Variants in ANKRD36 observed in about 807,000 individuals in gnomAD.
ANKRD36 encodes the protein ankyrin repeat domain-containing protein 36A.
In ANKRD36, 179 loss-of-function variants were observed where a neutral mutation model predicts 278.1. That is an observed-to-expected ratio of 0.64 (90% confidence interval 0.57 to 0.73). The LOEUF is 0.73. Ranked by LOEUF, ANKRD36 falls within the 30% of genes least tolerant of loss-of-function variation. The pLI is 0.00. For synonymous variants in ANKRD36, 320 were observed against 641.1 expected, an observed-to-expected ratio of 0.50 and a Z score of 7.57; for missense variants, 1,159 against 1,956.7, an observed-to-expected ratio of 0.59 and a Z score of 7.69.
In ANKRD36 at chr2:97,245,837, AAAAC is replaced by A. The variant is rs1380570255; in HGVS notation, c.5176_5179del (p.Gln1726IlefsTer47). The A allele has an allele frequency of 2.0e-6, 1 of 511,408 alleles. No homozygotes were observed. The highest frequency in any genetic ancestry group is 4.6e-5 in the African/African-American group (1 of 21,904). 31.7% of individuals were successfully genotyped at this position (511,408 alleles called of 1,614,324 possible). ...AACAGGAAAGATTTTGTCAACTAAA[AAAAC>A]AAAATATGTTGCTTCAACAGCAACT... On this transcript the variant is annotated frameshift_variant, in exon 71 of 76. Coordinates refer to ENST00000420699, the MANE Select transcript of ANKRD36 (RefSeq NM_001354587.1). LOFTEE classifies it high-confidence loss of function.
chr2:97,200,332 A>G lies in ANKRD36; in HGVS notation c.2756-2A>G, dbSNP rs778913085. On this transcript the variant is annotated splice_acceptor_variant, in intron 44 of 75. Coordinates refer to ENST00000420699, the MANE Select transcript of ANKRD36 (RefSeq NM_001354587.1). LOFTEE classifies it high-confidence loss of function. ...TGATTATGTATCCCTTTTGCTTTTC[A>G]GTGTCTTCTCGGAAAAAACCATCCT... is the stretch of plus-strand genomic sequence containing the variant. 34 of 1,607,186 alleles carry G rather than the reference A, an allele frequency of 2.1e-5. No homozygotes were observed. Among genetic ancestry groups the G allele is most frequent in the Non-Finnish European group, 2.8e-5 (33 of 1,178,670 alleles).
intron 3 of ANKRD36, among the ~76,000 whole-genome samples, chr2:97,121,680 A>G (rs1204715720): frequency 6.6e-6 from 1 of 152,082 alleles, no homozygotes; most frequent in African/African-American, 2.4e-5. Context: ...CAAATAATTT[A>G]GTGGCTTTCA....
intron 6 of ANKRD36, among the ~76,000 whole-genome samples, chr2:97,133,480 A>C (rs2040688539): frequency 6.6e-6 from 1 of 151,998 alleles, no homozygotes; most frequent in Admixed American, 6.6e-5. Context: ...TAAAATAAAA[A>C]ATTTGTTTCA....
At chr2:97,142,319 G>A (rs2043118180) in intron 6 of ANKRD36, among the ~76,000 whole-genome samples, 1 of 152,096 alleles carries the variant, frequency 6.6e-6, no homozygotes, top group Non-Finnish European at 1.5e-5. Flanking sequence ...AGGTGCATGA[G>A]TTGCTTCTCT....
rs1489096090 is a variant in ANKRD36 at position 97,149,346 on chromosome 2, T to G, written c.1086T>G (p.Phe362Leu). 1 of 1,533,530 alleles carries G rather than the reference T, an allele frequency of 6.5e-7. No individual in the cohort carries two copies. The highest frequency in any genetic ancestry group is 1.4e-5 in the African/African-American group (1 of 72,906). The allele number at this position is 1,533,530 out of a possible 1,614,324, so 95.0% of individuals were successfully genotyped here. A position where few individuals can be genotyped will look rare whatever the true frequency, so the allele number is the denominator to read the frequency against. The change falls in exon 12 of 76, where the codon TTT (phenylalanine) becomes TTG (leucine). Residue 362 changes from phenylalanine to leucine, a missense_variant. Phe to Leu is a conservative substitution (Grantham distance 22). Transcript: ENST00000420699. ...CACAGCCTGTGACAGAGAATGAGTT[T>G]TCTTTGGAATCTGAGGTAGAGTACT... ...AVAQPVTENE[F>L]SLESEIISKL... is the part of the protein sequence containing the mutation.
intron 36 of ANKRD36, among the ~76,000 whole-genome samples, chr2:97,192,192 G>A (rs796202329): frequency 6.6e-6 from 1 of 151,332 alleles, no homozygotes; most frequent in Non-Finnish European, 1.5e-5. Flanking sequence ...ATATTATCCT[G>A]TGGTGCCATG....
chr2:97,178,805 G>A (rs531906148), intron 22 of ANKRD36, among the ~76,000 whole-genome samples: 1 of 150,954 alleles, frequency 6.6e-6, no homozygotes, highest in South Asian at 2.1e-4. Context: ...ATGTGCGCAT[G>A]TACCCTAAAA....
chr2:97,163,617 C>T (rs1273780249), intron 18 of ANKRD36: 3 of 201,672 alleles, frequency 1.5e-5, no homozygotes, highest in Non-Finnish European at 3.0e-5. Flanking sequence ...ACTCTGTCAC[C>T]CAGGCTTGAG....
In ANKRD36 at chr2:97,179,895, T is replaced by C. The variant is rs200833680; in HGVS notation, c.1697T>C (p.Ile566Thr). Reference sequence around the variant, plus strand: ...GACGACAAAGATTCTGTTTCAAATATAGCCACAGAAATAAAGGAGGGACCA... The same window carrying C: ...GACGACAAAGATTCTGTTTCAAATACAGCCACAGAAATAAAGGAGGGACCA... ...TSDDKDSVSN[I>T]ATEIKEGPIS... Residue 566 changes from isoleucine (I) to threonine (T), a missense_variant, in exon 24 of 76, where the codon ATA (isoleucine) becomes ACA (threonine). Physicochemically the swap from Ile to Thr is moderately conservative, Grantham distance 89 (BLOSUM62 -1). Transcript: ENST00000420699. 6.2e-7 allele frequency: 1 copy of C among 1,605,916 alleles called. No individual in the cohort carries two copies. Among genetic ancestry groups the C allele is most frequent in the Non-Finnish European group, 8.5e-7 (1 of 1,178,324 alleles).
In ANKRD36 at chr2:97,202,187, C is replaced by G. The variant is rs1265503909; in HGVS notation, c.2858-15C>G. On this transcript the variant is annotated splice_polypyrimidine_tract_variant and intron_variant, in intron 46 of 75. Transcript: ENST00000420699. ...ATTTACGTATGACTGATTATGAATCCCTTTTGCTTTTCAGTGTCTTCTCAG... is the reference window on the plus strand; with the variant it reads ...ATTTACGTATGACTGATTATGAATCGCTTTTGCTTTTCAGTGTCTTCTCAG... 2 of 1,609,012 alleles carry G rather than the reference C, an allele frequency of 1.2e-6. No homozygotes were observed. The highest frequency in any genetic ancestry group is 1.7e-5 in the Admixed American group (1 of 59,676).
At chr2:97,166,270 G>T (rs2050628017) in intron 20 of ANKRD36, among the ~76,000 whole-genome samples, 2 of 151,398 alleles carry the variant, frequency 1.3e-5, no homozygotes, top group South Asian at 4.2e-4. Flanking sequence ...AATGAGAGTT[G>T]ATACTCGATG....
At chr2:97,149,540 C>G (rs1200539160) in intron 12 of ANKRD36, among the ~76,000 whole-genome samples, 179 bp downstream of exon 12, 1 of 151,270 alleles carries the variant, frequency 6.6e-6, no homozygotes, top group Non-Finnish European at 1.5e-5. Context: ...TTTACTTTGG[C>G]AAATAAGAAA....
chr2:97,141,358 T>C (rs1298971399), intron 6 of ANKRD36, among the ~76,000 whole-genome samples: 1 of 143,236 alleles, frequency 7.0e-6, no homozygotes, highest in Non-Finnish European at 1.5e-5. Flanking sequence ...CTTTGACATG[T>C]ATGTTTTTGC....
intron 28 of ANKRD36, among the ~76,000 whole-genome samples, chr2:97,184,002 G>A (rs2056856055): frequency 6.6e-6 from 1 of 151,614 alleles, no homozygotes; most frequent in Non-Finnish European, 1.5e-5. Flanking sequence ...AATTATAGAT[G>A]TCAGATGGTA....
chr2:97,141,182 T>C (rs2042813464), intron 6 of ANKRD36, among the ~76,000 whole-genome samples: 1 of 151,350 alleles, frequency 6.6e-6, no homozygotes, highest in South Asian at 2.1e-4. Context: ...AAATAATGTA[T>C]ATCTTGAGTA....
At chr2:97,153,058 C>G (rs562010872) in intron 14 of ANKRD36, among the ~76,000 whole-genome samples, 11 of 152,272 alleles carry the variant, frequency 7.2e-5, no homozygotes, top group African/African-American at 2.7e-4. Context: ...GGCCACAGGA[C>G]CCTAAGTTTT....
intron 67 of ANKRD36, among the ~76,000 whole-genome samples, chr2:97,230,330 T>A (rs1490386551): frequency 6.6e-6 from 1 of 152,020 alleles, no homozygotes; most frequent in African/African-American, 2.4e-5. Context: ...GGAGGCTTTG[T>A]TTGTTTCTTT....
chr2:97,132,570 C>A (rs942043600), intron 6 of ANKRD36, among the ~76,000 whole-genome samples: 10 of 151,784 alleles, frequency 6.6e-5, no homozygotes, highest in African/African-American at 2.4e-4. Context: ...GTTTTATAAA[C>A]AGCCTTCTGA....
chr2:97,186,375 T>C (rs938493457), intron 30 of ANKRD36, among the ~76,000 whole-genome samples: 7 of 151,040 alleles, frequency 4.6e-5, no homozygotes, highest in African/African-American at 1.7e-4. Flanking sequence ...GTTCATCAAC[T>C]GACTCTTAAA....
Sources: allele counts gnomAD v4.1 joint callset (sites outside exome capture counted in the v4.1 genomes callset), GRCh38; gene constraint gnomAD v4.1.1; transcripts MANE v1.5; gene names NCBI Gene and HGNC (gene_info 2026-07-23, HGNC 2026-07-21).